The following DPP8 variants were observed in gnomAD, a reference collection of about 807,000 sequenced individuals.
The protein encoded by DPP8 is dipeptidyl peptidase 8.
In DPP8, 31 loss-of-function variants were observed where a neutral mutation model predicts 107.5. That is an observed-to-expected ratio of 0.29 (90% CI 0.22 to 0.39). The LOEUF is 0.39. Among genes scored for constraint, DPP8 ranks in the 10% least tolerant of loss-of-function variants. The probability of loss-of-function intolerance (pLI) is 1.00; values close to 1 mark genes in which losing one functional copy is unlikely to be tolerated. For missense variants in DPP8, 842 were observed against 1,076.1 expected (o/e 0.78, Z 3.04); for synonymous variants, 381 against 356.6 (o/e 1.07, Z -0.77).
At position 65,497,936 on chromosome 15, in the gene DPP8, T is replaced by C; in HGVS notation, c.643A>G (p.Ile215Val). 6.2e-7 allele frequency: 1 copy of C among 1,610,520 alleles called. No homozygotes were observed. The highest frequency in any genetic ancestry group is 8.5e-7 in the Non-Finnish European group (1 of 1,177,714). Residue 215 changes from isoleucine (I) to valine (V), a missense_variant, in exon 5 of 20, where the codon ATA becomes GTA. Around this residue, in one of 2 missense-constraint regions of DPP8, gnomAD observed 663 missense variants for 758.0 expected, o/e 0.87. Transcript: ENST00000300141. ...CPADPDWIAF[I>V]HSNDIWISNI... Reference sequence around the variant, plus strand: ...GATATCCAAATATCGTTGCTATGTATAAAAGCAATCCAGTCTGGATCAGCA... The same window carrying C: ...GATATCCAAATATCGTTGCTATGTACAAAAGCAATCCAGTCTGGATCAGCA...
At chr15:65,506,329 CA>C (rs898247428) in intron 3 of DPP8, among the ~76,000 whole-genome samples, 17 of 144,596 alleles carry the variant, frequency 1.2e-4, no homozygotes, top group African/African-American at 1.0e-4. Flanking sequence ...AACTCCGTCT[CA>C]AAAAAAAATG....
intron 15 of DPP8, among the ~76,000 whole-genome samples, chr15:65,459,717 G>A (rs1178975240): frequency 6.6e-6 from 1 of 152,092 alleles, no homozygotes; most frequent in Non-Finnish European, 1.5e-5. Flanking sequence ...CACTTTGGGA[G>A]GCCGAGGTGG....
intron 14 of DPP8, among the ~76,000 whole-genome samples, chr15:65,466,214 T>C (rs1193660915): frequency 4.6e-5 from 7 of 151,776 alleles, no homozygotes; most frequent in African/African-American, 4.8e-5. Context: ...TCTTAGTTCA[T>C]TGCAACCTCC....
chr15:65,468,797 C>T (rs1205326213), intron 12 of DPP8, among the ~76,000 whole-genome samples: 1 of 152,120 alleles, frequency 6.6e-6, no homozygotes, highest in Non-Finnish European at 1.5e-5. Flanking sequence ...TCAGGCCTTT[C>T]AAGACTAAAA....
rs1340715543 is a variant in DPP8 at position 65,443,382 on chromosome 15, T to A, written c.*3502A>T. The A allele has an allele frequency of 6.6e-6, 1 of 152,040 alleles. No homozygotes were observed. Among genetic ancestry groups the A allele is most frequent in the African/African-American group, 2.4e-5 (1 of 41,384 alleles). The allele number at this position is 152,040 out of a possible 1,614,324, so 9.4% of individuals were successfully genotyped here. A position where few individuals can be genotyped will look rare whatever the true frequency, so the allele number is the denominator to read the frequency against. ...GATTAAATCAAATATTGATTCCATC[T>A]TGAAAAATGCATGATTTAATAATGA... On this transcript the variant is annotated 3_prime_UTR_variant, in exon 20 of 20. Coordinates refer to ENST00000300141, the MANE Select transcript of DPP8 (RefSeq NM_130434.5).
chr15:65,507,843 G>A (rs989961290), intron 2 of DPP8, among the ~76,000 whole-genome samples: 1 of 152,114 alleles, frequency 6.6e-6, no homozygotes, highest in Admixed American at 6.6e-5. Flanking sequence ...ACAGGCTCAT[G>A]AGATTCCAAT....
At chr15:65,490,926 G>A (rs750017909) in intron 5 of DPP8, among the ~76,000 whole-genome samples, 16 of 152,058 alleles carry the variant, frequency 1.1e-4, no homozygotes, top group South Asian at 2.1e-4. Flanking sequence ...TTGGGAGGCC[G>A]AGGAGGACAG....
rs542314824 is a variant in DPP8 at position 65,494,149 on chromosome 15, C to CTTTTTTTTTTTTTTT, written c.715+3714_715+3715insAAAAAAAAAAAAAAA. 2.2e-4 allele frequency among the ~76,000 whole-genome samples: 27 copies of CTTTTTTTTTTTTTTT among 123,256 alleles called. 1 individual carries two copies. The East Asian group carries it at 3.4e-3, about 15-fold the overall frequency. The allele number at this position is 123,256 out of a possible 152,430, so 80.9% of individuals were successfully genotyped here. A position where few individuals can be genotyped will look rare whatever the true frequency, so the allele number is the denominator to read the frequency against. On this transcript the variant is annotated intron_variant, in intron 5 of 19. Transcript: ENST00000300141. ...TTGAAATTCAAACCGGTTCTATATC[C>CTTTTTTTTTTTTTTT]TTTTTTTTTTTTTTAGAGACAGGGT...
rs767866897 is a variant in DPP8 at position 65,446,926 on chromosome 15, T to C, written c.2607A>G (p.Gln869=). ...CAGCAATACGTGATCCAAGGTTTTC[T>C]TGAAGGTAGTGCAAAAGATGCAGTT... is the stretch of plus-strand genomic sequence containing the variant. The part of the protein sequence containing the change: ...HYELHLLHYL[Q]ENLGSRIAAL... The change falls in exon 20 of 20, where the codon CAA becomes CAG. Residue 869 remains glutamine (Q), a synonymous_variant. Transcript: ENST00000300141. 1.9e-6 allele frequency: 3 copies of C among 1,613,392 alleles called. No homozygotes were observed. Among genetic ancestry groups the C allele is most frequent in the Non-Finnish European group, 2.5e-6 (3 of 1,179,570 alleles).
chr15:65,444,939 G>T lies in DPP8; in HGVS notation c.*1945C>A, dbSNP rs2063437751. The T allele has an allele frequency of 6.6e-6, 1 of 152,044 alleles. No homozygotes were observed. Among genetic ancestry groups the T allele is most frequent in the Non-Finnish European group, 1.5e-5 (1 of 68,004 alleles). The allele number at this position is 152,044 out of a possible 1,614,324, so 9.4% of individuals were successfully genotyped here. A position where few individuals can be genotyped will look rare whatever the true frequency, so the allele number is the denominator to read the frequency against. ...CTCCACAGTCAGATATATACTTAAG[G>T]GGGAAAATACTTTCTTGGGGAAGAA... is the stretch of plus-strand genomic sequence containing the variant. On this transcript the variant is annotated 3_prime_UTR_variant, in exon 20 of 20. Coordinates refer to ENST00000300141, the MANE Select transcript of DPP8 (RefSeq NM_130434.5).
chr15:65,509,370 C>T (rs570752028), intron 2 of DPP8, among the ~76,000 whole-genome samples: 14 of 152,298 alleles, frequency 9.2e-5, no homozygotes, highest in African/African-American at 3.4e-4. Context: ...GTTGCCCCTC[C>T]CTATATGCTC....
chr15:65,508,075 T>C (rs550551841), intron 2 of DPP8, among the ~76,000 whole-genome samples: 2 of 151,602 alleles, frequency 1.3e-5, no homozygotes, highest in South Asian at 4.2e-4. Context: ...TTGTCTGTAC[T>C]AAAAATACAA....
Position 65,479,051 on chromosome 15 carries a change from A to G in DPP8, c.1297-12T>C. The G allele has an allele frequency of 6.5e-7, 1 of 1,539,966 alleles. No individual in the cohort carries two copies. On this transcript the variant is annotated splice_polypyrimidine_tract_variant and intron_variant, in intron 10 of 19. Coordinates refer to ENST00000300141, the MANE Select transcript of DPP8 (RefSeq NM_130434.5). The stretch of plus-strand genomic sequence containing the variant: ...AAGATGTCATGGATCTGTAAAATGA[A>G]TAGCTAAATTTACTATACATATTAT...
At chr15:65,475,005 C>A (rs995097112) in intron 11 of DPP8, among the ~76,000 whole-genome samples, 1 of 152,090 alleles carries the variant, frequency 6.6e-6, no homozygotes, top group Non-Finnish European at 1.5e-5. Flanking sequence ...CAAAGCATTT[C>A]TTTTCGTTGT....
intron 5 of DPP8, among the ~76,000 whole-genome samples, chr15:65,494,868 A>G (rs183923507): frequency 6.6e-6 from 1 of 152,236 alleles, no homozygotes; most frequent in Admixed American, 6.5e-5. Context: ...TAGGCCATAT[A>G]ACTTGGATAA....
chr15:65,467,363 C>G, intron 12 of DPP8, 140 bp from the exon 13 acceptor site: 1 of 763,866 alleles, frequency 1.3e-6, no homozygotes, highest in Non-Finnish European at 2.1e-6. Flanking sequence ...TATTAATAAA[C>G]CTGAGTTAAT....
At chr15:65,509,268 C>T (rs962080528) in intron 2 of DPP8, among the ~76,000 whole-genome samples, 1 of 152,190 alleles carries the variant, frequency 6.6e-6, no homozygotes, top group Non-Finnish European at 1.5e-5. Context: ...TGTGATCCTT[C>T]TAAGAGCCTT....
chr15:65,487,938 C>T (rs2067599492), intron 6 of DPP8, 120 bp from the exon 7 acceptor site: 12 of 704,726 alleles, frequency 1.7e-5, no homozygotes, highest in Non-Finnish European at 2.5e-5. Flanking sequence ...ATAAAATATG[C>T]TGCCTTTTTT....
chr15:65,450,982 A>C lies in DPP8; in HGVS notation c.2526+17T>G, dbSNP rs371187663. ...TAATCATGACTGCATTTAACTAGAA[A>C]ATGTAGAGTAACTCACCTGTAAATC... is the stretch of plus-strand genomic sequence containing the variant. On this transcript the variant is annotated intron_variant, in intron 19 of 19. Coordinates refer to ENST00000300141, the MANE Select transcript of DPP8 (RefSeq NM_130434.5). 4.4e-5 allele frequency: 62 copies of C among 1,419,446 alleles called. No homozygotes were observed. In the African/African-American group the frequency reaches 7.9e-4, roughly 18 times the overall value. The allele number at this position is 1,419,446 out of a possible 1,614,324, so 87.9% of individuals were successfully genotyped here. A position where few individuals can be genotyped will look rare whatever the true frequency, so the allele number is the denominator to read the frequency against.
Sources: gnomAD v4.1 joint callset for allele counts (sites outside exome capture counted in the v4.1 genomes callset) on GRCh38, gnomAD v4.1.1 for gene constraint, gnomAD v4.1.1 regional missense constraint, MANE v1.5 for transcripts, NCBI Gene and HGNC (gene_info 2026-07-23, HGNC 2026-07-21) for gene names.